Variants in LOXHD1 observed in about 807,000 individuals in gnomAD.
LOXHD1 encodes the protein lipoxygenase homology domain-containing protein 1.
A neutral mutation model predicts 248.2 loss-of-function variants in LOXHD1; 205 were observed. The observed-to-expected ratio is 0.83, with a 90% CI of 0.74 to 0.93. LOXHD1 has a LOEUF of 0.93. Ranked by LOEUF, LOXHD1 falls within the 40% of genes least tolerant of loss-of-function variation. The pLI, the probability that LOXHD1 is intolerant of heterozygous loss-of-function variation, is 0.00. For missense variants in LOXHD1, 2,930 were observed against 2,971.6 expected (o/e 0.99, Z 0.33); for synonymous variants, 1,113 against 1,162.8 (o/e 0.96, Z 0.87).
At chr18:46,629,908 C>T (rs2038798598) in intron 4 of LOXHD1, among the ~76,000 whole-genome samples, 1 of 152,122 alleles carries the variant, frequency 6.6e-6, no homozygotes, top group African/African-American at 2.4e-5. Context: ...TGCGCCCAGC[C>T]CACCTGCCCA....
At chr18:46,606,554 G>C (rs1292640584) in intron 6 of LOXHD1, among the ~76,000 whole-genome samples, 1 of 151,796 alleles carries the variant, frequency 6.6e-6, no homozygotes, top group Admixed American at 6.6e-5. Flanking sequence ...TTACCTTCAG[G>C]GTACTTGCAT....
At chr18:46,524,018 ATTG>A (rs1477164936) in intron 31 of LOXHD1, among the ~76,000 whole-genome samples, 7 of 152,222 alleles carry the variant, frequency 4.6e-5, no homozygotes, top group African/African-American at 1.7e-4. Flanking sequence ...GAACTCTGAT[ATTG>A]TTTTATGGAG....
chr18:46,516,315 GGAAT>G (rs2035246300), intron 34 of LOXHD1, among the ~76,000 whole-genome samples: 1 of 152,138 alleles, frequency 6.6e-6, no homozygotes, highest in African/African-American at 2.4e-5. Flanking sequence ...TGCCTGACAT[GGAAT>G]AAATGTTCAA....
chr18:46,573,918 T>C (rs1316951360), intron 14 of LOXHD1, among the ~76,000 whole-genome samples: 3 of 151,948 alleles, frequency 2.0e-5, no homozygotes, highest in African/African-American at 4.8e-5. Flanking sequence ...AATGGTGAAA[T>C]CCTAGGCATT....
intron 37 of LOXHD1, among the ~76,000 whole-genome samples, chr18:46,501,242 A>T (rs1224536225): frequency 1.3e-5 from 2 of 152,240 alleles, no homozygotes; most frequent in Admixed American, 6.5e-5. Context: ...AGTGGCAAAA[A>T]ATTTTAGTTG....
At chr18:46,514,031 C>A (rs1213803413) in intron 34 of LOXHD1, among the ~76,000 whole-genome samples, 2 of 152,282 alleles carry the variant, frequency 1.3e-5, no homozygotes, top group East Asian at 3.9e-4. Context: ...TCCTTAGGGA[C>A]CACTGGGAAA....
At chr18:46,614,688 T>G (rs2038559212) in intron 5 of LOXHD1, among the ~76,000 whole-genome samples, 1 of 151,808 alleles carries the variant, frequency 6.6e-6, no homozygotes, top group Non-Finnish European at 1.5e-5. Flanking sequence ...CTGTATGTTG[T>G]GCACATGTAC....
chr18:46,492,705 A>AT (rs1168827687), intron 37 of LOXHD1, among the ~76,000 whole-genome samples: 1 of 152,124 alleles, frequency 6.6e-6, no homozygotes, highest in Non-Finnish European at 1.5e-5. Flanking sequence ...GTTCTGCTTT[A>AT]TTTTTTTACA....
intron 1 of LOXHD1, among the ~76,000 whole-genome samples, chr18:46,653,904 T>G (rs1051314273): frequency 6.6e-6 from 1 of 152,242 alleles, no homozygotes; most frequent in African/African-American, 2.4e-5. Flanking sequence ...GGAATTTACC[T>G]TATAGGCATT....
Position 46,533,285 on chromosome 18 carries a change from C to G in LOXHD1, c.4252G>C (p.Ala1418Pro). 1.3e-6 allele frequency: 2 copies of G among 1,551,784 alleles called. No homozygotes were observed. Among genetic ancestry groups the G allele is most frequent in the Non-Finnish European group, 1.7e-6 (2 of 1,147,004 alleles). Residue 1418 changes from alanine to proline, a missense_variant, in exon 28 of 41, where the codon GCC (alanine) becomes CCC (proline). By Grantham distance (27) the Ala-to-Pro change is conservative. Transcript: ENST00000642948. ...TLTFPCDRWL[A>P]TSEDDKKTIR... Reference sequence around the variant, plus strand: ...GTCTTTTTGTCATCCTCAGAGGTGGCAAGCCACCGATCGCATGGGAAAGTC... The same window carrying G: ...GTCTTTTTGTCATCCTCAGAGGTGGGAAGCCACCGATCGCATGGGAAAGTC...
Position 46,579,740 on chromosome 18 carries a change from C to A in LOXHD1, c.1699G>T (p.Ala567Ser). The change falls in exon 13 of 41, where the codon GCT becomes TCT. Residue 567 changes from alanine (A) to serine (S), a missense_variant. Ala to Ser is a moderately conservative substitution (Grantham distance 99). Transcript: ENST00000642948. Reference sequence around the variant, plus strand: ...AGATAGACGTTGGCATCGGTCCCAGCACCTTCAAGTTCACCTGTGCACACA... The same window carrying A: ...AGATAGACGTTGGCATCGGTCCCAGAACCTTCAAGTTCACCTGTGCACACA... ...VTVCTGELEG[A>S]GTDANVYLCL... The A allele has an allele frequency of 6.4e-7, 1 of 1,551,834 alleles. No individual in the cohort carries two copies. Among genetic ancestry groups the A allele is most frequent in the Non-Finnish European group, 8.7e-7 (1 of 1,147,014 alleles).
chr18:46,546,130 C>T (rs572645677), intron 22 of LOXHD1, among the ~76,000 whole-genome samples: 1 of 152,098 alleles, frequency 6.6e-6, no homozygotes, highest in Admixed American at 6.5e-5. Context: ...CTGACTCCTC[C>T]TGGCTGGGAG....
rs1363456734 is a variant in LOXHD1, at chr18:46,494,839, TTC to T, written c.5879-5699_5879-5698del. Among the ~76,000 whole-genome samples the T allele has an allele frequency of 4.5e-3, 563 of 125,378 alleles. 10 individuals are homozygous for T. The highest frequency in any genetic ancestry group is 7.2e-3 in the African/African-American group (250 of 34,778). 82.3% of individuals were successfully genotyped at this position (125,378 alleles called of 152,430 possible). A position where few individuals can be genotyped will look rare whatever the true frequency, so the allele number is the denominator to read the frequency against. ...TGATTTATATTTTTCTTTCTCCTTT[TTC>T]TCTCTCTCTTTTTTTTTTTTTTTTT... On this transcript the variant is annotated intron_variant, in intron 37 of 40. Transcript: ENST00000642948.
chr18:46,544,200 G>A (rs1455067261), intron 23 of LOXHD1, among the ~76,000 whole-genome samples: 1 of 152,192 alleles, frequency 6.6e-6, no homozygotes, highest in Non-Finnish European at 1.5e-5. Context: ...CCTTGGTCCA[G>A]TGCCTAGCTC....
chr18:46,531,918 T>G (rs778842496), intron 28 of LOXHD1, among the ~76,000 whole-genome samples: 1 of 152,172 alleles, frequency 6.6e-6, no homozygotes, highest in Non-Finnish European at 1.5e-5. Context: ...GTCACACTAT[T>G]GAGGCAACAC....
chr18:46,479,354 T>A (rs2032346780), intron 40 of LOXHD1, among the ~76,000 whole-genome samples: 1 of 151,154 alleles, frequency 6.6e-6, no homozygotes, highest in Non-Finnish European at 1.5e-5. Context: ...GCCAAGAGAA[T>A]GGTCTTGGAC....
At chr18:46,572,691 C>T (rs889114599) in intron 14 of LOXHD1, among the ~76,000 whole-genome samples, 2 of 152,156 alleles carry the variant, frequency 1.3e-5, no homozygotes, top group Admixed American at 1.3e-4. Flanking sequence ...TGGCACTGTG[C>T]TGAGGGCTCT....
chr18:46,562,925 G>A (rs952406188), intron 18 of LOXHD1, 140 bp downstream of exon 18: 6 of 988,432 alleles, frequency 6.1e-6, no homozygotes, highest in African/African-American at 4.9e-5. Flanking sequence ...GGTCTGGAGA[G>A]AGGAAGCATT....
intron 37 of LOXHD1, among the ~76,000 whole-genome samples, chr18:46,499,931 C>T (rs993438150): frequency 6.6e-6 from 1 of 151,944 alleles, no homozygotes; most frequent in African/African-American, 2.4e-5. Flanking sequence ...AATTTATGTC[C>T]GGGAAACTAT....
Sources: allele counts gnomAD v4.1 joint callset (sites outside exome capture counted in the v4.1 genomes callset), GRCh38; gene constraint gnomAD v4.1.1; transcripts MANE v1.5; gene names NCBI Gene and HGNC (gene_info 2026-07-23, HGNC 2026-07-21).